The following LPIN2 variants were observed in gnomAD, a reference collection of about 807,000 sequenced individuals.
LPIN2 encodes phosphatidate phosphatase LPIN2.
Under a neutral mutation model 111.4 loss-of-function variants are expected in LPIN2, and 55 were observed. That is an observed-to-expected ratio of 0.49 (90% CI 0.40 to 0.62). LPIN2 has a LOEUF of 0.62. Ranked by LOEUF, LPIN2 falls within the 20% of genes least tolerant of loss-of-function variation. The pLI, the probability that LPIN2 is intolerant of heterozygous loss-of-function variation, is 0.00. For synonymous variants in LPIN2, 425 were observed against 414.0 expected, an observed-to-expected ratio of 1.03 and a Z score of -0.32; for missense variants, 992 against 1,112.1, an observed-to-expected ratio of 0.89 and a Z score of 1.54.
chr18:2,928,560 C>G, intron 11 of LPIN2, 31 bp downstream of exon 11: 1 of 1,610,226 alleles, frequency 6.2e-7, no homozygotes. Context: ...CGGATGCTTT[C>G]GGAAAGGCAG....
chr18:2,997,629 T>C (rs2078365693), intron 1 of LPIN2, among the ~76,000 whole-genome samples: 1 of 152,180 alleles, frequency 6.6e-6, no homozygotes, highest in Non-Finnish European at 1.5e-5. Flanking sequence ...ACCTTACATA[T>C]GGCATCAATC....
intron 7 of LPIN2, 120 bp downstream of exon 7, chr18:2,937,564 AAAAAAAAG>A: frequency 9.8e-6 from 7 of 715,808 alleles, no homozygotes; most frequent in African/African-American, 5.5e-5. Context: ...AAAAAAAAAA[AAAAAAAAG>A]TGCGACGGGT....
At position 2,919,880 on chromosome 18, in the gene LPIN2, T is replaced by C; in HGVS notation, c.*413A>G. ...GCAGCAGTTCAGGGACCCTGACATC[T>C]GAAGACAGCCCTGGTTACAGAAGCC... is the stretch of plus-strand genomic sequence containing the variant. On this transcript the variant is annotated 3_prime_UTR_variant, in exon 20 of 20. Coordinates refer to ENST00000677752, the MANE Select transcript of LPIN2 (RefSeq NM_001375808.2). 3.6e-6 allele frequency: 1 copy of C among 279,060 alleles called. No homozygotes were observed. Among genetic ancestry groups the C allele is most frequent in the Non-Finnish European group, 7.1e-6 (1 of 140,500 alleles). The allele number at this position is 279,060 out of a possible 1,614,324, so 17.3% of individuals were successfully genotyped here. A position where few individuals can be genotyped will look rare whatever the true frequency, so the allele number is the denominator to read the frequency against.
chr18:2,952,121 T>C (rs2077546035), intron 3 of LPIN2, among the ~76,000 whole-genome samples: 1 of 152,194 alleles, frequency 6.6e-6, no homozygotes, highest in Admixed American at 6.5e-5. Flanking sequence ...GGAAGGTACA[T>C]AATAGAGATA....
At chr18:2,942,464 A>G (rs2077379133) in intron 4 of LPIN2, among the ~76,000 whole-genome samples, 2 of 152,244 alleles carry the variant, frequency 1.3e-5, no homozygotes, top group Admixed American at 6.5e-5. Flanking sequence ...AAAGTCACAC[A>G]AATTTCTAAC....
chr18:3,008,133 T>C (rs984822897), intron 1 of LPIN2, among the ~76,000 whole-genome samples: 2 of 152,242 alleles, frequency 1.3e-5, no homozygotes, highest in African/African-American at 4.8e-5. Context: ...GAGACCATCT[T>C]ATTTTAAATT....
At chr18:2,982,881 C>A (rs2078133852) in intron 1 of LPIN2, 13 of 355,942 alleles carry the variant, frequency 3.7e-5, no homozygotes, top group East Asian at 8.5e-5. Context: ...AGTTATATGG[C>A]TAAAACTGAA....
intron 1 of LPIN2, among the ~76,000 whole-genome samples, chr18:3,004,074 G>C (rs1006665371): frequency 3.3e-5 from 5 of 152,146 alleles, no homozygotes; most frequent in African/African-American, 1.2e-4. Context: ...AGGCTTACTA[G>C]GATTGGGAAA....
At chr18:2,920,566 A>G (rs1172857955) in intron 19 of LPIN2, 129 bp from the exon 20 acceptor site, 2 of 1,003,574 alleles carry the variant, frequency 2.0e-6, no homozygotes, top group East Asian at 2.5e-5. Flanking sequence ...CCTCAGTCCC[A>G]TCACAGGGCT....
chr18:2,972,983 T>C (rs618481), intron 1 of LPIN2, among the ~76,000 whole-genome samples: 2 of 152,122 alleles, frequency 1.3e-5, no homozygotes, highest in South Asian at 2.1e-4. Flanking sequence ...AGAAATGCAA[T>C]AAGTAAAATC....
chr18:2,940,542 G>A lies in LPIN2; in HGVS notation c.698+63C>T, dbSNP rs181371162. On this transcript the variant is annotated intron_variant, in intron 5 of 19. Coordinates refer to ENST00000677752, the MANE Select transcript of LPIN2 (RefSeq NM_001375808.2). The stretch of plus-strand genomic sequence containing the variant: ...GAAATATCATTACTACAGATTAACA[G>A]AAAAGCTAATTAATACATCTCCTTC... 2.0e-5 allele frequency: 19 copies of A among 973,842 alleles called. No individual in the cohort carries two copies. In the East Asian group the frequency reaches 3.6e-4, roughly 18 times the overall value. 60.3% of individuals were successfully genotyped at this position (973,842 alleles called of 1,614,324 possible). A position where few individuals can be genotyped will look rare whatever the true frequency, so the allele number is the denominator to read the frequency against.
At chr18:2,971,350 G>T (rs556854744) in intron 1 of LPIN2, among the ~76,000 whole-genome samples, 1 of 152,290 alleles carries the variant, frequency 6.6e-6, no homozygotes, top group South Asian at 2.1e-4. Context: ...GATAGGGGAG[G>T]ATGTGTGGGC....
At chr18:2,991,518 G>A (rs576579792) in intron 1 of LPIN2, among the ~76,000 whole-genome samples, 6 of 152,072 alleles carry the variant, frequency 3.9e-5, no homozygotes, top group African/African-American at 1.4e-4. Context: ...AGAGACCAGT[G>A]TAGGCAACAT....
At chr18:3,002,242 A>AC (rs1204919340) in intron 1 of LPIN2, among the ~76,000 whole-genome samples, 2 of 148,820 alleles carry the variant, frequency 1.3e-5, no homozygotes, top group African/African-American at 5.0e-5. Flanking sequence ...AGACCAAAAA[A>AC]AAAAAAAAAA....
chr18:2,945,854 A>G, intron 4 of LPIN2: 1 of 1,458,756 alleles, frequency 6.9e-7, no homozygotes, highest in Non-Finnish European at 9.5e-7. Context: ...AGTCATGTCT[A>G]CATGGAACAA....
In LPIN2 at chr18:2,925,407, G is replaced by A. The variant is rs757353249; in HGVS notation, c.1794-39C>T. ...GCCCAGTTACGGAAGAGGCAGCAGG[G>A]CATTTTATTGATGAGAGCTTTTCAT... On this transcript the variant is annotated intron_variant, in intron 13 of 19. Transcript: ENST00000677752. This position sits in a 1 kb window ranked among gnomAD's most constrained non-coding sequence, Gnocchi z 4.1. The A allele has an allele frequency of 1.2e-6, 2 of 1,613,338 alleles. No homozygotes were observed. Among genetic ancestry groups the A allele is most frequent in the East Asian group, 4.5e-5 (2 of 44,876 alleles).
rs942713413 is a variant in LPIN2 at position 2,919,754 on chromosome 18, T to G, written c.*539A>C. 1 of 180,532 alleles carries G rather than the reference T, an allele frequency of 5.5e-6. No individual in the cohort carries two copies. The highest frequency in any genetic ancestry group is 1.2e-5 in the Non-Finnish European group (1 of 84,180). 11.2% of individuals were successfully genotyped at this position (180,532 alleles called of 1,614,324 possible). On this transcript the variant is annotated 3_prime_UTR_variant, in exon 20 of 20. Coordinates refer to ENST00000677752, the MANE Select transcript of LPIN2 (RefSeq NM_001375808.2). ...GCAGGGGCGGGGGTCCTGCCCAACT[T>G]GGCCCACTGGAGCAGCTGACCCCTT...
rs373710672 is a variant in LPIN2 at position 2,928,618 on chromosome 18, C to A, written c.1593G>T (p.Leu531Phe). The A allele has an allele frequency of 1.9e-6, 3 of 1,613,424 alleles. No individual in the cohort carries two copies. Reference sequence around the variant, plus strand: ...TAGGCAAGCTCTTCTGGAATACTTGCAAGCTAAGGATCATGGGAGCTGCCA... The same window carrying A: ...TAGGCAAGCTCTTCTGGAATACTTGAAAGCTAAGGATCATGGGAGCTGCCA... ...WALAAPMILS[L>F]QVFQKSLPKA... The change falls in exon 11 of 20, where the codon TTG becomes TTT. Residue 531 changes from leucine to phenylalanine, a missense_variant. Leu to Phe is a conservative substitution (Grantham distance 22, BLOSUM62 0). Around this residue, in one of 4 missense-constraint regions of LPIN2, gnomAD observed 709 missense variants for 753.2 expected, o/e 0.94. Transcript: ENST00000677752.
At chr18:2,999,324 C>T (rs2078393642) in intron 1 of LPIN2, among the ~76,000 whole-genome samples, 1 of 152,046 alleles carries the variant, frequency 6.6e-6, no homozygotes, top group Non-Finnish European at 1.5e-5. Context: ...GGTCCAGGCG[C>T]CGTGGCCCAC....
Sources: allele counts gnomAD v4.1 joint callset (sites outside exome capture counted in the v4.1 genomes callset), GRCh38; gene constraint gnomAD v4.1.1; regional missense constraint gnomAD v4.1.1; non-coding constraint Gnocchi (gnomAD v3.1); transcripts MANE v1.5; gene names NCBI Gene and HGNC (gene_info 2026-07-23, HGNC 2026-07-21).